VRTN: variants seen among roughly 807,000 people sequenced by gnomAD.
VRTN encodes the protein vertebrae development associated.
Under a neutral mutation model 18.2 loss-of-function variants are expected in VRTN, and 5 were observed. That is an observed-to-expected ratio of 0.27 (90% CI 0.14 to 0.58). VRTN has a LOEUF of 0.58. VRTN is among the 20% of genes least tolerant of loss of function. The pLI is 0.91. For missense variants in VRTN, 741 were observed against 939.4 expected (o/e 0.79, Z 2.76); for synonymous variants, 381 against 393.7 (o/e 0.97, Z 0.38).
intron 1 of VRTN, among the ~76,000 whole-genome samples, chr14:74,355,536 CATTT>C (rs756216857): frequency 2.6e-5 from 4 of 151,918 alleles, no homozygotes; most frequent in South Asian, 2.1e-4. Context: ...AAAATAGCAT[CATTT>C]ATTTATTTAT....
Position 74,356,764 on chromosome 14 carries a change from T to G in VRTN, c.-1-19T>G, listed in dbSNP as rs771744056. The G allele has an allele frequency of 2.0e-5, 31 of 1,565,672 alleles. 1 individual carries two copies. The South Asian group carries it at 3.6e-4, about 18-fold the overall frequency. On this transcript the variant is annotated intron_variant, in intron 1 of 1. Coordinates refer to ENST00000256362, the MANE Select transcript of VRTN (RefSeq NM_018228.3). ...GCACTTCGACCTGACTACTGCCCCT[T>G]TATCTTTTGCCCTGGCAGGATGACT...
chr14:74,340,905 G>A (rs12101208), intron 2 of VRTN, among the ~76,000 whole-genome samples: 2,514 of 151,900 alleles, frequency 0.017, 54 homozygotes, highest in African/African-American at 0.055. Flanking sequence ...AGCCACTCCC[G>A]GCTAATTTTT....
chr14:74,333,614 C>T (rs371874085), intron 1 of VRTN, among the ~76,000 whole-genome samples: 11 of 151,798 alleles, frequency 7.2e-5, no homozygotes, highest in East Asian at 1.9e-4. Context: ...CCGAGGCAGG[C>T]GGATCACCTG....
At chr14:74,333,934 C>T (rs768176890) in intron 1 of VRTN, among the ~76,000 whole-genome samples, 3 of 152,152 alleles carry the variant, frequency 2.0e-5, no homozygotes, top group African/African-American at 7.2e-5. Context: ...GTTCTAGTTG[C>T]TTTACATGCA....
Position 74,357,749 on chromosome 14 carries a change from C to CAGGA in VRTN, c.968_969insGAAG (p.Ser323ArgfsTer32). On this transcript the variant is annotated frameshift_variant, in exon 2 of 2. Transcript: ENST00000256362. LOFTEE classifies it low-confidence loss of function (END_TRUNC). The surrounding 1 kb of genome is among the most constrained non-coding windows in gnomAD (Gnocchi z 7.8). ...TCTCCGCCAAGCACTTCCTGCAGGA[C>CAGGA]AGCTTCCACCGGGGGGGCGTCGTGC... is the stretch of plus-strand genomic sequence containing the variant. The CAGGA allele has an allele frequency of 6.2e-7, 1 of 1,613,348 alleles. No homozygotes were observed. The highest frequency in any genetic ancestry group is 8.5e-7 in the Non-Finnish European group (1 of 1,180,048).
intron 1 of VRTN, among the ~76,000 whole-genome samples, chr14:74,332,178 ACAGAGGACCCCTCC>A (rs2140202283): frequency 6.6e-6 from 1 of 151,966 alleles, no homozygotes; most frequent in East Asian, 1.9e-4. Flanking sequence ...ATAGATTTGC[ACAGAGGACCCCTCC>A]CAAACCTACT....
At chr14:74,345,346 ATTT>A (rs34124259), upstream of VRTN, among the ~76,000 whole-genome samples, 23,636 of 93,228 alleles carry the variant, frequency 0.25, 1,555 homozygotes, top group East Asian at 0.4. Context: ...CACCCTGCCT[ATTT>A]TTTTTTTTTT....
At chr14:74,337,366 C>T (rs1426557666) in intron 1 of VRTN, among the ~76,000 whole-genome samples, 1 of 150,556 alleles carries the variant, frequency 6.6e-6, no homozygotes, top group Non-Finnish European at 1.5e-5. Flanking sequence ...CAAACAAAAA[C>T]AAACAAACAA....
chr14:74,317,908 T>C (rs2140194940), intron 1 of VRTN, among the ~76,000 whole-genome samples: 1 of 152,320 alleles, frequency 6.6e-6, no homozygotes, highest in Admixed American at 6.5e-5. Context: ...GGAGTATTGC[T>C]TGAAGCCAGG....
rs1033941962 is a variant in VRTN at position 74,357,182 on chromosome 14, G to T, written c.399G>T (p.Val133=). ...ACTCCAAAGTGATGCTGCAGGCCGT[G>T]CGCTACTCCCTATGCTCTGAGGAGT... The part of the protein sequence containing the change: ...MIDSKVMLQA[V]RYSLCSEESP... The change falls in exon 2 of 2, where the codon GTG becomes GTT. Residue 133 remains valine, a synonymous_variant. Coordinates refer to ENST00000256362, the MANE Select transcript of VRTN (RefSeq NM_018228.3). This position sits in a 1 kb window ranked among gnomAD's most constrained non-coding sequence, Gnocchi z 7.8. The T allele has an allele frequency of 1.2e-6, 2 of 1,604,386 alleles. No individual in the cohort carries two copies. Among genetic ancestry groups the T allele is most frequent in the East Asian group, 2.2e-5 (1 of 44,684 alleles).
At chr14:74,341,096 G>T (rs1278174736) in intron 2 of VRTN, among the ~76,000 whole-genome samples, 1 of 152,222 alleles carries the variant, frequency 6.6e-6, no homozygotes, top group Non-Finnish European at 1.5e-5. Flanking sequence ...TGATGGGACA[G>T]ATGGATGAAT....
At chr14:74,351,495 G>GTTTTTT (rs59810913) in intron 1 of VRTN, among the ~76,000 whole-genome samples, 1 of 89,692 alleles carries the variant, frequency 1.1e-5, no homozygotes, top group African/African-American at 4.1e-5. Flanking sequence ...TGATTACCAG[G>GTTTTTT]TTTTTTTTTT....
At chr14:74,313,025 G>GC (rs11398049) in intron 1 of VRTN, among the ~76,000 whole-genome samples, 152,135 of 152,368 alleles carry the variant, frequency 1, 75,952 homozygotes, top group Middle Eastern at 1. Flanking sequence ...ACAGGCATGC[G>GC]CGCTGCGCCT....
rs543015459 is a variant in VRTN at position 74,352,876 on chromosome 14, C to CT, written c.-1-3906dup. Among the ~76,000 whole-genome samples the CT allele has an allele frequency of 1.6e-4, 25 of 152,272 alleles. 1 individual carries two copies. In the South Asian group the frequency reaches 5.0e-3, roughly 30 times the overall value. ...GTCCCTCCCCTAATGTAAAAAGTGT[C>CT]TATGAAGGAATACCACTCTGCTTTG... On this transcript the variant is annotated intron_variant, in intron 1 of 1. Transcript: ENST00000256362.
In VRTN at chr14:74,340,247, G is replaced by T. The variant is rs1189098203; in HGVS notation, c.-2+2363G>T. 6.6e-5 allele frequency among the ~76,000 whole-genome samples: 10 copies of T among 152,130 alleles called. No homozygotes were observed. In the East Asian group the frequency reaches 1.9e-3, roughly 29 times the overall value. ...CCTACTTCAGCCTCCCTAGTAGCTG[G>T]GATTATAGGCATGTGCCACCACGCC... On this transcript the variant is annotated intron_variant, in intron 2 of 2. Coordinates refer to the VRTN transcript ENST00000557177.
intron 1 of VRTN, among the ~76,000 whole-genome samples, chr14:74,352,705 G>A (rs1349606521): frequency 2.6e-5 from 4 of 152,020 alleles, no homozygotes; most frequent in East Asian, 3.9e-4. Context: ...GTGCCACCAC[G>A]CCTGGCCTTA....
chr14:74,343,230 G>A (rs946575705), intron 2 of VRTN, among the ~76,000 whole-genome samples: 1 of 152,136 alleles, frequency 6.6e-6, no homozygotes, highest in Admixed American at 6.5e-5. Context: ...AGGTTCAAGC[G>A]ATTCTCCTGC....
At chr14:74,304,051 A>G (rs1314917231) in intron 1 of VRTN, among the ~76,000 whole-genome samples, 2 of 151,630 alleles carry the variant, frequency 1.3e-5, no homozygotes, top group East Asian at 3.9e-4. Flanking sequence ...GGGTTTCTCC[A>G]TATTGGTCAG....
At chr14:74,333,319 G>T (rs2085541435) in intron 1 of VRTN, among the ~76,000 whole-genome samples, 1 of 152,024 alleles carries the variant, frequency 6.6e-6, no homozygotes, top group African/African-American at 2.4e-5. Flanking sequence ...GAAGGCGGAG[G>T]TTGCAGTGAG....
Sources: gnomAD v4.1 joint callset for allele counts (sites outside exome capture counted in the v4.1 genomes callset) on GRCh38, gnomAD v4.1.1 for gene constraint, Gnocchi (gnomAD v3.1) non-coding constraint, MANE v1.5 for transcripts, NCBI Gene and HGNC (gene_info 2026-07-23, HGNC 2026-07-21) for gene names.